Variants in DNAH3 observed in about 807,000 individuals in gnomAD.
DNAH3 encodes dynein axonemal heavy chain 3.
Under a neutral mutation model 432.5 loss-of-function variants are expected in DNAH3, and 332 were observed. The observed-to-expected ratio is 0.77, with a 90% CI of 0.70 to 0.84. DNAH3 has a LOEUF of 0.84. DNAH3 is among the 40% of genes least tolerant of loss of function. The pLI is 0.00. For synonymous variants in DNAH3, 1,956 were observed against 1,900.2 expected (o/e 1.03, Z -0.76); for missense variants, 4,861 against 5,114.0 (o/e 0.95, Z 1.51).
intron 52 of DNAH3, among the ~76,000 whole-genome samples, chr16:20,965,786 C>T (rs924253201): frequency 6.6e-6 from 1 of 152,142 alleles, no homozygotes; most frequent in African/African-American, 2.4e-5. Flanking sequence ...GATCTTGGCT[C>T]ACTGCAACCT....
intron 7 of DNAH3, among the ~76,000 whole-genome samples, chr16:21,129,571 A>AAG (rs1289848665): frequency 6.6e-6 from 1 of 150,964 alleles, no homozygotes; most frequent in Non-Finnish European, 1.5e-5. Flanking sequence ...TCTCTACAAA[A>AAG]AAAAAAAAAA....
At chr16:21,010,899 T>TG (rs2087565248) in intron 41 of DNAH3, among the ~76,000 whole-genome samples, 2 of 151,072 alleles carry the variant, frequency 1.3e-5, no homozygotes, top group Non-Finnish European at 2.9e-5. Context: ...TTTTTTTTTT[T>TG]TTGTTTTTTT....
intron 21 of DNAH3, among the ~76,000 whole-genome samples, chr16:21,074,165 T>A (rs1372510201): frequency 6.6e-6 from 1 of 151,930 alleles, no homozygotes; most frequent in East Asian, 1.9e-4. Context: ...CTTCCTTGAG[T>A]GAAATCAAGA....
chr16:20,999,711 G>A (rs951071793), intron 43 of DNAH3, among the ~76,000 whole-genome samples: 1 of 152,212 alleles, frequency 6.6e-6, no homozygotes, highest in Non-Finnish European at 1.5e-5. Flanking sequence ...TCACAGGGTT[G>A]TGGGGCTCAA....
At chr16:21,072,684 C>T (rs1413422156) in intron 21 of DNAH3, among the ~76,000 whole-genome samples, 1 of 150,598 alleles carries the variant, frequency 6.6e-6, no homozygotes, top group Non-Finnish European at 1.5e-5. Context: ...CTCACTCTGT[C>T]ACCCAGGCTG....
At chr16:21,123,587 G>T (rs1427415914) in intron 9 of DNAH3, among the ~76,000 whole-genome samples, 1 of 152,084 alleles carries the variant, frequency 6.6e-6, no homozygotes, top group Non-Finnish European at 1.5e-5. Context: ...CTATATTTTT[G>T]AGCAAAAGAC....
chr16:21,095,562 A>G (rs934745879), intron 18 of DNAH3, among the ~76,000 whole-genome samples: 1 of 152,198 alleles, frequency 6.6e-6, no homozygotes, highest in Non-Finnish European at 1.5e-5. Context: ...TTTGACCACA[A>G]GGAGACAGTC....
intron 12 of DNAH3, among the ~76,000 whole-genome samples, chr16:21,116,158 T>C (rs1438525925): frequency 2.0e-5 from 3 of 152,182 alleles, no homozygotes; most frequent in East Asian, 1.9e-4. Context: ...TGTTGTCCCA[T>C]GGTAATTGTT....
At chr16:21,058,121 C>T (rs1374348745) in exon 27 of DNAH3, 6 of 1,613,646 alleles carry the variant, frequency 3.7e-6, no homozygotes, top group African/African-American at 1.3e-5. Flanking sequence ...TGGGACACCT[C>T]CTGGGTCCAA....
chr16:21,101,320 C>A (rs980680705), intron 16 of DNAH3, among the ~76,000 whole-genome samples: 1 of 152,078 alleles, frequency 6.6e-6, no homozygotes, highest in Admixed American at 6.6e-5. Flanking sequence ...GTCAAAGAAT[C>A]GTAAGTTGAA....
exon 56 of DNAH3, chr16:20,952,450 G>A: frequency 6.2e-7 from 1 of 1,609,592 alleles, no homozygotes; most frequent in Non-Finnish European, 8.5e-7. Flanking sequence ...GTAGGTCAGA[G>A]CATCAAAGGG....
chr16:20,985,599 G>A, exon 48 of DNAH3: 1 of 1,614,196 alleles, frequency 6.2e-7, no homozygotes, highest in East Asian at 2.2e-5. Flanking sequence ...GCTGTTTCAG[G>A]TCAGTGATCT....
intron 8 of DNAH3, among the ~76,000 whole-genome samples, chr16:21,127,268 C>T (rs376843751): frequency 6.7e-4 from 101 of 151,700 alleles, no homozygotes; most frequent in African/African-American, 2.4e-3. Flanking sequence ...AAAGAGGACA[C>T]GAGGCCAGGC....
chr16:21,092,534 A>G (rs2091565243), intron 18 of DNAH3, among the ~76,000 whole-genome samples: 1 of 151,970 alleles, frequency 6.6e-6, no homozygotes. Context: ...AAGATAACAT[A>G]GGAGAAAATA....
intron 54 of DNAH3, among the ~76,000 whole-genome samples, 155 bp from the exon 55 acceptor site, chr16:20,955,212 T>A (rs2084507734): frequency 6.6e-6 from 1 of 151,236 alleles, no homozygotes; most frequent in Non-Finnish European, 1.5e-5. Context: ...ATTGATAAAT[T>A]AAAAAAAAAT....
chr16:21,101,526 G>T (rs558653131), intron 16 of DNAH3, among the ~76,000 whole-genome samples: 1 of 152,354 alleles, frequency 6.6e-6, no homozygotes, highest in South Asian at 2.1e-4. Context: ...CATTTAGAGT[G>T]TAAGGGGAGG....
rs188991668 is a variant in DNAH3, at chr16:21,143,979, C to T, written c.448+1202G>A. On this transcript the variant is annotated intron_variant, in intron 3 of 61. Transcript: ENST00000261383. ...GATGTAATTAAGAAACTCACCCAGA[C>T]GTAGCACAGAGAAAACAATGAAAAA... Among the ~76,000 whole-genome samples, 100 of 152,210 alleles carry T rather than the reference C, an allele frequency of 6.6e-4. 1 individual carries two copies. The highest frequency in any genetic ancestry group is 1.2e-3 in the South Asian group (6 of 4,818).
intron 16 of DNAH3, 170 bp downstream of exon 16, chr16:21,104,301 T>A: frequency 3.1e-6 from 2 of 637,326 alleles, no homozygotes; most frequent in Admixed American, 4.9e-5. Context: ...AAAGAAAACA[T>A]CCCTCAGTGG....
At chr16:21,019,638 ATGT>A (rs781678146) in exon 41 of DNAH3, 16 of 1,614,008 alleles carry the variant, frequency 9.9e-6, no homozygotes, top group Middle Eastern at 1.6e-4. Flanking sequence ...TTCTGGAAAG[ATGT>A]TGTTTTTGGT....
Sources: gnomAD v4.1 joint callset for allele counts (sites outside exome capture counted in the v4.1 genomes callset) on GRCh38, gnomAD v4.1.1 for gene constraint, MANE v1.5 for transcripts, NCBI Gene and HGNC (gene_info 2026-07-23, HGNC 2026-07-21) for gene names.